Variants in CNTD1 observed in about 807,000 individuals in gnomAD.
CNTD1 encodes the protein cyclin N-terminal domain containing 1, also known as cyclin N-terminal domain-containing protein 1.
Under a neutral mutation model 36.3 loss-of-function variants are expected in CNTD1, and 17 were observed. The observed-to-expected ratio is 0.47, with a 90% CI of 0.32 to 0.70. The LOEUF (loss-of-function observed/expected upper bound fraction) is 0.70. CNTD1 is among the 30% of genes least tolerant of loss of function. The pLI is 0.03. For missense variants in CNTD1, 338 were observed against 386.1 expected (o/e 0.88, Z 1.04); for synonymous variants, 128 against 153.3 (o/e 0.83, Z 1.22).
At chr17:42,801,543 ATATAATATATGTGTG>A (rs1567660280) in intron 1 of CNTD1, among the ~76,000 whole-genome samples, 1 of 50,444 alleles carries the variant, frequency 2.0e-5, no homozygotes, top group Non-Finnish European at 3.6e-5. Context: ...ATATATATAT[ATATAATATATGTGTG>A]TGTGTGTGTG....
In CNTD1 at chr17:42,798,868, CCGTGGCCGTT is replaced by C; in HGVS notation, c.-199_-190del. 5 of 1,440,788 alleles carry C rather than the reference CCGTGGCCGTT, an allele frequency of 3.5e-6. No individual in the cohort carries two copies. The highest frequency in any genetic ancestry group is 4.5e-6 in the Non-Finnish European group (5 of 1,102,736). The allele number at this position is 1,440,788 out of a possible 1,614,324, so 89.3% of individuals were successfully genotyped here. Reference sequence around the variant, plus strand: ...CGTGCTTTCTGATTGGCTGAGGAGTCCGTGGCCGTTGGGGCGGGAAAAAGCTGTGGAGGGT... The same window carrying C: ...CGTGCTTTCTGATTGGCTGAGGAGTCGGGGCGGGAAAAAGCTGTGGAGGGT... On this transcript the variant is annotated 5_prime_UTR_variant, in exon 1 of 7. Transcript: ENST00000588408.
rs180994880 is a variant in CNTD1 at position 42,809,395 on chromosome 17, A to T, written c.853A>T (p.Ile285Phe). ...GGGGCATTTGCAGAGCATCACTGGT[A>T]TTGCCTTGGCAAGCATTGCTGAGTT... ...VVGHLQSITGIALASIAEFSY... is the reference protein window; with the variant it reads ...VVGHLQSITGFALASIAEFSY... The change falls in exon 7 of 7, where the codon ATT becomes TTT. Residue 285 changes from isoleucine to phenylalanine, a missense_variant. Ile to Phe is a conservative substitution (Grantham distance 21). Coordinates refer to ENST00000588408, the MANE Select transcript of CNTD1 (RefSeq NM_173478.3). 2 of 1,614,020 alleles carry T rather than the reference A, an allele frequency of 1.2e-6. No individual in the cohort carries two copies. Among genetic ancestry groups the T allele is most frequent in the East Asian group, 2.2e-5 (1 of 44,878 alleles).
rs1194958282 is a variant in CNTD1, at chr17:42,809,443, G to A, written c.901G>A (p.Gly301Arg). The A allele has an allele frequency of 5.6e-6, 9 of 1,614,014 alleles. No homozygotes were observed. Among genetic ancestry groups the A allele is most frequent in the Admixed American group, 1.7e-5 (1 of 59,994 alleles). ...GTTCTCTTATGCAATCCTGACTCACGGAGTGGGAGCCAACACTCCGGGGAG... is the reference window on the plus strand; with the variant it reads ...GTTCTCTTATGCAATCCTGACTCACAGAGTGGGAGCCAACACTCCGGGGAG... ...AEFSYAILTH[G>R]VGANTPGRQQ... The change falls in exon 7 of 7, where the codon GGA (glycine) becomes AGA (arginine). Residue 301 changes from glycine to arginine, a missense_variant. By Grantham distance (125) the Gly-to-Arg change is moderately radical (BLOSUM62 -2). Transcript: ENST00000588408.
At chr17:42,808,997 C>T (rs1288981601) in intron 6 of CNTD1, among the ~76,000 whole-genome samples, 3 of 152,020 alleles carry the variant, frequency 2.0e-5, no homozygotes, top group Non-Finnish European at 4.4e-5. Flanking sequence ...TGCAGTGAGC[C>T]AAAAATCACA....
intron 5 of CNTD1, among the ~76,000 whole-genome samples, chr17:42,807,505 TCA>T (rs2144128495): frequency 6.6e-6 from 1 of 152,006 alleles, no homozygotes; most frequent in Non-Finnish European, 1.5e-5. Flanking sequence ...GTTAAAAGCC[TCA>T]CAGTTACAAT....
Position 42,804,225 on chromosome 17 carries a change from G to A in CNTD1, c.246G>A (p.Arg82=). Residue 82 remains arginine, a splice_region_variant and synonymous_variant, in exon 3 of 7, where the codon AGG becomes AGA. Transcript: ENST00000588408. ...VSYQAVEILE[R]FMVKQAENIC... is the part of the protein sequence containing the mutation. The stretch of plus-strand genomic sequence containing the variant: ...TTTACTCTCCCTCCCTTCCCTACAG[G>A]TTTATGGTAAAACAGGCAGAGAACA... 1.2e-6 allele frequency: 2 copies of A among 1,613,212 alleles called. No individual in the cohort carries two copies. The highest frequency in any genetic ancestry group is 1.7e-6 in the Non-Finnish European group (2 of 1,179,468).
At position 42,799,123 on chromosome 17, in the gene CNTD1, T is replaced by C; in HGVS notation, c.56T>C (p.Val19Ala). The change falls in exon 1 of 7, where the codon GTT (valine) becomes GCT (alanine). Residue 19 changes from valine to alanine, a missense_variant. Val to Ala is a moderately conservative substitution (Grantham distance 64). Coordinates refer to ENST00000588408, the MANE Select transcript of CNTD1 (RefSeq NM_173478.3). ...SASLVDFQFG[V>A]VATETIEDAL... ...TCCCTCGTTGACTTTCAGTTTGGAG[T>C]TGTCGCCACAGAGACGATTGAAGAC... The C allele has an allele frequency of 6.2e-7, 1 of 1,613,074 alleles. No individual in the cohort carries two copies.
At position 42,799,256 on chromosome 17, in the gene CNTD1, G is replaced by A; in HGVS notation, c.169+20G>A. The A allele has an allele frequency of 6.2e-7, 1 of 1,607,070 alleles. No homozygotes were observed. The highest frequency in any genetic ancestry group is 2.2e-5 in the East Asian group (1 of 44,644). On this transcript the variant is annotated intron_variant, in intron 1 of 6. Coordinates refer to ENST00000588408, the MANE Select transcript of CNTD1 (RefSeq NM_173478.3). ...TCGTGGGTGCGGCTGCAGGGCCGGG[G>A]TGCTGGGTTCTTGGGAGACTGGGGC...
Position 42,802,204 on chromosome 17 carries a change from A to T in CNTD1, c.170-1416A>T, listed in dbSNP as rs540025189. 3.3e-5 allele frequency among the ~76,000 whole-genome samples: 5 copies of T among 152,128 alleles called. No homozygotes were observed. The East Asian group carries it at 5.8e-4, about 18-fold the overall frequency. On this transcript the variant is annotated intron_variant, in intron 1 of 6. Coordinates refer to ENST00000588408, the MANE Select transcript of CNTD1 (RefSeq NM_173478.3). ...CAACATAGGACAATCCCGTCTATTT[A>T]TTATTTATTTATTTATTTATTTAAA... is the stretch of plus-strand genomic sequence containing the variant.
intron 1 of CNTD1, among the ~76,000 whole-genome samples, chr17:42,802,097 G>A (rs1374740800): frequency 1.3e-5 from 2 of 152,210 alleles, no homozygotes; most frequent in African/African-American, 4.8e-5. Context: ...CAGTGGGTGT[G>A]TAAGCCAGGC....
chr17:42,811,538 C>T lies in CNTD1; in HGVS notation c.*2003C>T. On this transcript the variant is annotated 3_prime_UTR_variant, in exon 7 of 7. Transcript: ENST00000588408. ...CTCTGCCCATCAATGTCATGTGATTCTGTGCCATTTTTTTGCTTTCCCACC... is the reference window on the plus strand; with the variant it reads ...CTCTGCCCATCAATGTCATGTGATTTTGTGCCATTTTTTTGCTTTCCCACC... 7.4e-7 allele frequency: 1 copy of T among 1,355,704 alleles called. No homozygotes were observed. The highest frequency in any genetic ancestry group is 1.4e-5 in the South Asian group (1 of 70,742). 84.0% of individuals were successfully genotyped at this position (1,355,704 alleles called of 1,614,324 possible).
intron 1 of CNTD1, among the ~76,000 whole-genome samples, chr17:42,799,542 A>C (rs2054736476): frequency 6.6e-6 from 1 of 151,634 alleles, no homozygotes; most frequent in Admixed American, 6.6e-5. Flanking sequence ...ACCTGAGGTC[A>C]GGAGTTCGAG....
Position 42,799,014 on chromosome 17 carries a change from G to A in CNTD1, c.-54G>A. The A allele has an allele frequency of 6.3e-7, 1 of 1,595,386 alleles. No homozygotes were observed. Among genetic ancestry groups the A allele is most frequent in the Non-Finnish European group, 8.5e-7 (1 of 1,171,096 alleles). ...CAGAAGACTGGAGAGGAGCTAAGGG[G>A]GTCGGTATGTGGATCCAGTGAACCC... On this transcript the variant is annotated 5_prime_UTR_variant, in exon 1 of 7. Coordinates refer to ENST00000588408, the MANE Select transcript of CNTD1 (RefSeq NM_173478.3).
Position 42,799,005 on chromosome 17 carries a change from AG to A in CNTD1, c.-62del, listed in dbSNP as rs2054723737. 1.9e-6 allele frequency: 3 copies of A among 1,581,932 alleles called. 1 individual carries two copies. ...AGGGTGTGGCAGAAGACTGGAGAGG[AG>A]CTAAGGGGGTCGGTATGTGGATCCA... On this transcript the variant is annotated 5_prime_UTR_variant, in exon 1 of 7. Coordinates refer to ENST00000588408, the MANE Select transcript of CNTD1 (RefSeq NM_173478.3).
At position 42,811,203 on chromosome 17, in the gene CNTD1, G is replaced by A. The variant is rs1212649970; in HGVS notation, c.*1668G>A. 1 of 345,994 alleles carries A rather than the reference G, an allele frequency of 2.9e-6. No individual in the cohort carries two copies. Among genetic ancestry groups the A allele is most frequent in the Non-Finnish European group, 5.1e-6 (1 of 194,232 alleles). 21.4% of individuals were successfully genotyped at this position (345,994 alleles called of 1,614,324 possible). A position where few individuals can be genotyped will look rare whatever the true frequency, so the allele number is the denominator to read the frequency against. On this transcript the variant is annotated 3_prime_UTR_variant, in exon 7 of 7. Transcript: ENST00000588408. ...AGTGAGGGTTACAGTACTTCTTGCTGTTTTCCTAGGCATCCCTGAACTTGG... is the reference window on the plus strand; with the variant it reads ...AGTGAGGGTTACAGTACTTCTTGCTATTTTCCTAGGCATCCCTGAACTTGG...
In CNTD1 at chr17:42,806,712, G is replaced by T. The variant is rs1411588427; in HGVS notation, c.619G>T (p.Ala207Ser). 6.2e-7 allele frequency: 1 copy of T among 1,614,120 alleles called. No individual in the cohort carries two copies. The highest frequency in any genetic ancestry group is 1.3e-5 in the African/African-American group (1 of 75,038). Residue 207 changes from alanine to serine, a missense_variant, in exon 5 of 7, where the codon GCA becomes TCA. Transcript: ENST00000588408. ...GCLVPAMRLH[A>S]TCLTLLDLVY... ...TTTGGTTCCAGCCATGAGGCTGCAT[G>T]CAACCTGCCTGACACTGCTCGACCT... is the stretch of plus-strand genomic sequence containing the variant.
In CNTD1 at chr17:42,807,812, T is replaced by C. The variant is rs2054905735; in HGVS notation, c.770T>C (p.Val257Ala). The stretch of plus-strand genomic sequence containing the variant: ...AAGGAAGACTTCATGCTGTTGGCAG[T>C]AGGAATCATTGCAGCAAGTGCTTTC... ...SVKEDFMLLA[V>A]GIIAASAFIQ... Residue 257 changes from valine (V) to alanine (A), a missense_variant, in exon 6 of 7, where the codon GTA (valine) becomes GCA (alanine). By Grantham distance (64) the Val-to-Ala change is moderately conservative (BLOSUM62 0). Transcript: ENST00000588408. The C allele has an allele frequency of 3.7e-6, 6 of 1,614,184 alleles. No homozygotes were observed. The highest frequency in any genetic ancestry group is 4.2e-6 in the Non-Finnish European group (5 of 1,180,002).
At chr17:42,807,396 CAG>C (rs1192815118) in intron 5 of CNTD1, among the ~76,000 whole-genome samples, 1 of 151,488 alleles carries the variant, frequency 6.6e-6, no homozygotes, top group Admixed American at 6.6e-5. Flanking sequence ...GCCTGGGCAA[CAG>C]AGAGAGACTC....
chr17:42,809,247 A>AT (rs1814604337), intron 6 of CNTD1, 118 bp from the exon 7 acceptor site: 1 of 1,034,024 alleles, frequency 9.7e-7, no homozygotes, highest in Non-Finnish European at 1.4e-6. Context: ...TGGAATCTGG[A>AT]TTTCAGAAAA....
Sources: gnomAD v4.1 joint callset for allele counts (sites outside exome capture counted in the v4.1 genomes callset) on GRCh38, gnomAD v4.1.1 for gene constraint, MANE v1.5 for transcripts, NCBI Gene and HGNC (gene_info 2026-07-23, HGNC 2026-07-21) for gene names.